Variants in NAV3 observed in about 807,000 individuals in gnomAD.
The protein encoded by NAV3 is pore membrane and/or filament interacting like protein 1.
Under a neutral mutation model 244.7 loss-of-function variants are expected in NAV3, and 87 were observed. The observed-to-expected ratio is 0.36, with a 90% CI of 0.30 to 0.42. The LOEUF is 0.42. Among genes scored for constraint, NAV3 ranks in the 20% least tolerant of loss-of-function variants. The pLI is 1.00. For synonymous variants in NAV3, 1,126 were observed against 1,042.2 expected (o/e 1.08, Z -1.55); for missense variants, 2,663 against 2,893.3 (o/e 0.92, Z 1.83).
rs749565151 is a variant in NAV3, at chr12:77,761,213, C to T, written c.73-179106C>T. Among the ~76,000 whole-genome samples, 83 of 152,192 alleles carry T rather than the reference C, an allele frequency of 5.5e-4. No individual in the cohort carries two copies. In the Middle Eastern group the frequency reaches 0.014, roughly 25 times the overall value. ...AGCTGGGATTCCAGGTGCCCACCACCGTGTCTGGCTAATTTTTAAAATATT... is the reference window on the plus strand; with the variant it reads ...AGCTGGGATTCCAGGTGCCCACCACTGTGTCTGGCTAATTTTTAAAATATT... On this transcript the variant is annotated intron_variant, in intron 2 of 8. Transcript: ENST00000550042.
chr12:78,159,051 AAAG>A (rs1957418274), intron 22 of NAV3, 149 bp from the exon 23 acceptor site: 3 of 499,854 alleles, frequency 6.0e-6, no homozygotes, highest in Non-Finnish European at 1.0e-5. Flanking sequence ...AATGTGTGTT[AAAG>A]AAGAGTCACC....
intron 8 of NAV3, among the ~76,000 whole-genome samples, chr12:78,018,108 TA>T (rs1876538796): frequency 6.6e-6 from 1 of 152,136 alleles, no homozygotes; most frequent in Non-Finnish European, 1.5e-5. Flanking sequence ...TTATTAATGC[TA>T]AGTTAGATCA....
At chr12:78,165,587 A>G (rs1367181245) in intron 23 of NAV3, among the ~76,000 whole-genome samples, 1 of 151,812 alleles carries the variant, frequency 6.6e-6, no homozygotes, top group Non-Finnish European at 1.5e-5. Context: ...ACTCCCCACT[A>G]TGGACAAAAA....
chr12:77,869,312 A>T (rs993679217), intron 1 of NAV3, among the ~76,000 whole-genome samples: 5 of 152,190 alleles, frequency 3.3e-5, no homozygotes, highest in Admixed American at 6.5e-5. Flanking sequence ...ATTGGGGGCA[A>T]GGTTTTTGAG....
At chr12:77,839,645 T>C (rs1203129616) in intron 1 of NAV3, among the ~76,000 whole-genome samples, 1 of 152,226 alleles carries the variant, frequency 6.6e-6, no homozygotes, top group Non-Finnish European at 1.5e-5. Context: ...TCAACACTTA[T>C]TACCTACTAG....
intron 2 of NAV3, among the ~76,000 whole-genome samples, chr12:77,797,537 T>G (rs1171446057): frequency 1.3e-5 from 2 of 149,620 alleles, no homozygotes; most frequent in East Asian, 1.9e-4. Context: ...TTTTTTTTTT[T>G]TTTTTTTTTT....
At chr12:77,637,047 G>C (rs1314441285) in intron 2 of NAV3, among the ~76,000 whole-genome samples, 1 of 151,946 alleles carries the variant, frequency 6.6e-6, no homozygotes, top group Non-Finnish European at 1.5e-5. Flanking sequence ...ATAGATGATG[G>C]GTTGATGGTT....
intron 2 of NAV3, among the ~76,000 whole-genome samples, chr12:77,755,509 G>GTGCCTTGCCTTTCCTTTCCT (rs796797077): frequency 3.1e-5 from 2 of 65,096 alleles, no homozygotes; most frequent in Admixed American, 1.7e-4. Flanking sequence ...CTCCCTCCCT[G>GTGCCTTGCCTTTCCTTTCCT]TGCCTTTCCT....
At chr12:77,788,521 T>C (rs1026600779) in intron 2 of NAV3, among the ~76,000 whole-genome samples, 1 of 152,094 alleles carries the variant, frequency 6.6e-6, no homozygotes, top group Non-Finnish European at 1.5e-5. Flanking sequence ...CTCTACGGTG[T>C]CTTTCAGCTC....
At chr12:77,948,084 C>T (rs1890530526) in intron 3 of NAV3, among the ~76,000 whole-genome samples, 1 of 151,794 alleles carries the variant, frequency 6.6e-6, no homozygotes, top group Non-Finnish European at 1.5e-5. Context: ...AAAAAAAATG[C>T]CAAAGATGAT....
intron 2 of NAV3, among the ~76,000 whole-genome samples, chr12:77,708,098 A>G (rs1875918829): frequency 6.6e-6 from 1 of 152,136 alleles, no homozygotes; most frequent in South Asian, 2.1e-4. Flanking sequence ...TTTTGTTGCC[A>G]TTGCTTTTGG....
chr12:77,907,307 A>G (rs987891758), intron 1 of NAV3, among the ~76,000 whole-genome samples: 10 of 152,128 alleles, frequency 6.6e-5, no homozygotes, highest in Non-Finnish European at 1.3e-4. Context: ...GTCTTTGCCA[A>G]TTTTATTCAT....
At chr12:77,605,367 T>C (rs956405963) in intron 2 of NAV3, among the ~76,000 whole-genome samples, 2 of 152,134 alleles carry the variant, frequency 1.3e-5, no homozygotes, top group Non-Finnish European at 1.5e-5. Flanking sequence ...TGCCCACTTT[T>C]CTTTATATGA....
chr12:77,764,281 A>G (rs1869633704), intron 2 of NAV3, among the ~76,000 whole-genome samples: 1 of 152,212 alleles, frequency 6.6e-6, no homozygotes. Context: ...GAGTAATAGA[A>G]TCTGTTCAAA....
intron 2 of NAV3, among the ~76,000 whole-genome samples, chr12:77,644,075 T>C (rs1872525883): frequency 6.6e-6 from 1 of 152,074 alleles, no homozygotes; most frequent in Non-Finnish European, 1.5e-5. Flanking sequence ...TATACACATG[T>C]AGGCATGTAT....
chr12:78,162,245 C>T (rs1230230320), intron 23 of NAV3, among the ~76,000 whole-genome samples: 2 of 152,032 alleles, frequency 1.3e-5, no homozygotes, highest in African/African-American at 4.8e-5. Context: ...TTCAACAATC[C>T]TGAGAAAAGG....
intron 2 of NAV3, among the ~76,000 whole-genome samples, chr12:77,803,443 C>T (rs1236995279): frequency 6.6e-6 from 1 of 152,176 alleles, no homozygotes; most frequent in African/African-American, 2.4e-5. Context: ...CATGTCCCTG[C>T]ATGGGACATG....
intron 1 of NAV3, among the ~76,000 whole-genome samples, chr12:77,875,670 G>A (rs139806135): frequency 1.1e-4 from 17 of 151,988 alleles, no homozygotes; most frequent in African/African-American, 4.1e-4. Flanking sequence ...TTGTATTCCT[G>A]CTCATATGAT....
chr12:77,902,992 G>C (rs1158504791), intron 1 of NAV3, among the ~76,000 whole-genome samples: 1 of 152,184 alleles, frequency 6.6e-6, no homozygotes, highest in Non-Finnish European at 1.5e-5. Flanking sequence ...TGAAATAAAA[G>C]AGGATACAAA....
Sources: allele counts gnomAD v4.1 joint callset (sites outside exome capture counted in the v4.1 genomes callset), GRCh38; gene constraint gnomAD v4.1.1; transcripts MANE v1.5; gene names NCBI Gene and HGNC (gene_info 2026-07-23, HGNC 2026-07-21).